Variants in TNIK observed in about 807,000 individuals in gnomAD.
The protein encoded by TNIK is TRAF2 and NCK-interacting protein kinase.
A neutral mutation model predicts 191.3 loss-of-function variants in TNIK; 49 were observed. That is an observed-to-expected ratio of 0.26 (90% confidence interval 0.20 to 0.32). The LOEUF (loss-of-function observed/expected upper bound fraction) is 0.32. TNIK is among the 10% of genes least tolerant of loss of function. The probability of loss-of-function intolerance (pLI) is 1.00; values close to 1 mark genes in which losing one functional copy is unlikely to be tolerated. For synonymous variants in TNIK, 594 were observed against 600.9 expected (o/e 0.99, Z 0.17); for missense variants, 1,155 against 1,702.3 (o/e 0.68, Z 5.66).
rs575330610 is a variant in TNIK, at chr3:171,346,436, C to A, written c.123+23184G>T. ...ATACACCTTGCGCATGTCATCCTTG[C>A]ACTGCACTCTACTTATTCTTTAAAT... On this transcript the variant is annotated intron_variant, in intron 2 of 32. Transcript: ENST00000436636. Among the ~76,000 whole-genome samples the A allele has an allele frequency of 3.9e-5, 6 of 152,252 alleles. No homozygotes were observed. The South Asian group carries it at 1.0e-3, about 26-fold the overall frequency.
chr3:171,405,508 T>TTAAAA (rs1721547717), intron 1 of TNIK, among the ~76,000 whole-genome samples: 1 of 144,352 alleles, frequency 6.9e-6, no homozygotes, highest in Non-Finnish European at 1.5e-5. Flanking sequence ...CCAAATCTGG[T>TTAAAA]AAAAAAAAAA....
intron 4 of TNIK, among the ~76,000 whole-genome samples, chr3:171,197,147 T>G (rs748133784): frequency 1.3e-5 from 2 of 152,170 alleles, no homozygotes; most frequent in African/African-American, 2.4e-5. Context: ...ATGGATAAAA[T>G]TATATGACAG....
At chr3:171,128,603 G>A in intron 16 of TNIK, 111 bp downstream of exon 16, 6 of 1,305,048 alleles carry the variant, frequency 4.6e-6, no homozygotes, top group Non-Finnish European at 6.1e-6. Context: ...TATATTAAGG[G>A]TCATAATTTG....
At chr3:171,148,698 C>T (rs1049847204) in intron 12 of TNIK, among the ~76,000 whole-genome samples, 1 of 152,170 alleles carries the variant, frequency 6.6e-6, no homozygotes, top group Non-Finnish European at 1.5e-5. Flanking sequence ...GTTGCAGGAA[C>T]TGGTAACATT....
intron 21 of TNIK, among the ~76,000 whole-genome samples, chr3:171,103,628 G>A (rs1332796335): frequency 6.6e-6 from 1 of 152,072 alleles, no homozygotes; most frequent in Non-Finnish European, 1.5e-5. Context: ...TATTAGGACT[G>A]TGTTAAGTCT....
intron 2 of TNIK, among the ~76,000 whole-genome samples, chr3:171,361,311 T>C (rs1247544751): frequency 6.6e-6 from 1 of 152,168 alleles, no homozygotes; most frequent in Non-Finnish European, 1.5e-5. Context: ...CTAGTAGCAA[T>C]AAGAAATCCC....
At chr3:171,364,830 C>T (rs1429463136) in intron 2 of TNIK, among the ~76,000 whole-genome samples, 1 of 150,324 alleles carries the variant, frequency 6.7e-6, no homozygotes, top group Non-Finnish European at 1.5e-5. Flanking sequence ...AGGAGCCAGC[C>T]ATGAGAGGGC....
rs139730304 is a variant in TNIK at position 171,298,331 on chromosome 3, C to CT, written c.124-70111dup. Among the ~76,000 whole-genome samples, 1,340 of 152,246 alleles carry CT rather than the reference C, an allele frequency of 8.8e-3. 11 individuals carry two copies. Among genetic ancestry groups the CT allele is most frequent in the Non-Finnish European group, 0.011 (717 of 67,994 alleles). On this transcript the variant is annotated intron_variant, in intron 2 of 32. Transcript: ENST00000436636. ...AAATGTTAAGCATTAACAAATGGAACTTTTTTTGCGAATATTCACTTGTAA... is the reference window on the plus strand; with the variant it reads ...AAATGTTAAGCATTAACAAATGGAACTTTTTTTTGCGAATATTCACTTGTAA...
At chr3:171,307,897 C>T (rs374975114) in intron 2 of TNIK, among the ~76,000 whole-genome samples, 1 of 152,058 alleles carries the variant, frequency 6.6e-6, no homozygotes, top group Non-Finnish European at 1.5e-5. Flanking sequence ...CTATGTGCCA[C>T]GAGATGACGT....
At chr3:171,166,583 A>G (rs1734647340) in intron 10 of TNIK, among the ~76,000 whole-genome samples, 2 of 152,178 alleles carry the variant, frequency 1.3e-5, no homozygotes, top group Admixed American at 1.3e-4. Flanking sequence ...CTGATGTTCC[A>G]TTCAGCAAGC....
At chr3:171,131,437 C>T (rs1012733736) in intron 15 of TNIK, among the ~76,000 whole-genome samples, 55 of 138,344 alleles carry the variant, frequency 4.0e-4, no homozygotes, top group African/African-American at 1.3e-3. Context: ...TTTGATTAGT[C>T]ATGTATAGAT....
chr3:171,140,150 C>T (rs756913628), intron 13 of TNIK, among the ~76,000 whole-genome samples: 4 of 152,144 alleles, frequency 2.6e-5, no homozygotes, highest in South Asian at 2.1e-4. Context: ...AATCAGATAC[C>T]GAGGGTTGGG....
At chr3:171,233,901 T>C (rs2109010377) in intron 2 of TNIK, among the ~76,000 whole-genome samples, 1 of 152,102 alleles carries the variant, frequency 6.6e-6, no homozygotes, top group African/African-American at 2.4e-5. Flanking sequence ...CCAGATAGGG[T>C]GGGGTTGTAA....
At chr3:171,129,464 T>C (rs932074850) in intron 15 of TNIK, among the ~76,000 whole-genome samples, 1 of 152,216 alleles carries the variant, frequency 6.6e-6, no homozygotes, top group Non-Finnish European at 1.5e-5. Context: ...TTTCTCTCTT[T>C]AGGGGTCTTT....
chr3:171,356,584 T>TAA lies in TNIK; in HGVS notation c.123+13034_123+13035dup, dbSNP rs536810139. Among the ~76,000 whole-genome samples the TAA allele has an allele frequency of 1.9e-3, 284 of 152,286 alleles. 1 individual carries two copies. Among genetic ancestry groups the TAA allele is most frequent in the African/African-American group, 6.6e-3 (273 of 41,562 alleles). ...TATCAAGAATCTACTTAAAATATTC[T>TAA]AAACATGCAATGGAAGGGCAGGGCA... On this transcript the variant is annotated intron_variant, in intron 2 of 32. Transcript: ENST00000436636.
At position 171,399,443 on chromosome 3, in the gene TNIK, G is replaced by A. The variant is rs143807002; in HGVS notation, c.58-29758C>T. 3.8e-4 allele frequency among the ~76,000 whole-genome samples: 58 copies of A among 152,102 alleles called. No individual in the cohort carries two copies. The East Asian group carries it at 0.01, about 26-fold the overall frequency. ...AACAATATTCAGCATCTAAAAACATGTCCTAAAGAAATCACCAGCAATGCA... is the reference window on the plus strand; with the variant it reads ...AACAATATTCAGCATCTAAAAACATATCCTAAAGAAATCACCAGCAATGCA... On this transcript the variant is annotated intron_variant, in intron 1 of 32. Coordinates refer to ENST00000436636, the MANE Select transcript of TNIK (RefSeq NM_015028.4).
intron 2 of TNIK, among the ~76,000 whole-genome samples, chr3:171,345,282 T>G (rs765868293): frequency 2.6e-5 from 4 of 152,192 alleles, no homozygotes; most frequent in Non-Finnish European, 5.9e-5. Context: ...ATTTTCCAAG[T>G]AATTAATGAG....
At chr3:171,390,429 C>A (rs1400159789) in intron 1 of TNIK, among the ~76,000 whole-genome samples, 1 of 152,168 alleles carries the variant, frequency 6.6e-6, no homozygotes, top group Admixed American at 6.5e-5. Context: ...CAGTAACCAC[C>A]TTCGATCTCT....
chr3:171,210,851 G>GAAA (rs11324657), intron 4 of TNIK, among the ~76,000 whole-genome samples: 17 of 131,426 alleles, frequency 1.3e-4, no homozygotes, highest in Non-Finnish European at 2.4e-4. Flanking sequence ...GTCAATTAGT[G>GAAA]AAAAAAAAAA....
Sources: gnomAD v4.1 joint callset for allele counts (sites outside exome capture counted in the v4.1 genomes callset) on GRCh38, gnomAD v4.1.1 for gene constraint, MANE v1.5 for transcripts, NCBI Gene and HGNC (gene_info 2026-07-23, HGNC 2026-07-21) for gene names.